The following NSD3 variants were observed in gnomAD, a reference collection of about 807,000 sequenced individuals.
NSD3 encodes histone-lysine N-methyltransferase NSD3.
In NSD3, 24 loss-of-function variants were observed where a neutral mutation model predicts 160.8. The observed-to-expected ratio is 0.15, with a 90% CI of 0.11 to 0.21. The LOEUF is 0.21. Among genes scored for constraint, NSD3 ranks in the 10% least tolerant of loss-of-function variants. The pLI is 1.00. For missense variants in NSD3, 1,157 were observed against 1,735.9 expected (o/e 0.67, Z 5.93); for synonymous variants, 520 against 600.0 (o/e 0.87, Z 1.95).
At chr8:38,366,973 C>T (rs1811120597) in intron 1 of NSD3, among the ~76,000 whole-genome samples, 1 of 151,982 alleles carries the variant, frequency 6.6e-6, no homozygotes, top group African/African-American at 2.4e-5. Context: ...TTTACCTTAA[C>T]AAAAACATCC....
chr8:38,314,555 T>C lies in NSD3; in HGVS notation c.2242+92A>G, dbSNP rs925463782. 4.0e-6 allele frequency: 6 copies of C among 1,508,726 alleles called. No individual in the cohort carries two copies. In the East Asian group the frequency reaches 1.4e-4, roughly 36 times the overall value. 93.5% of individuals were successfully genotyped at this position (1,508,726 alleles called of 1,614,324 possible). A position where few individuals can be genotyped will look rare whatever the true frequency, so the allele number is the denominator to read the frequency against. On this transcript the variant is annotated intron_variant, in intron 12 of 23. Coordinates refer to ENST00000317025, the MANE Select transcript of NSD3 (RefSeq NM_023034.2). ...AGAGGAGGAGGGCTAATAAAAGTGA[T>C]GGGAACAAGATGTCCTAGGAGAGGT...
rs545488571 is a variant in NSD3, at chr8:38,278,270, G to A, written c.3867+36C>T. The A allele has an allele frequency of 5.0e-6, 8 of 1,590,374 alleles. No individual in the cohort carries two copies. In the East Asian group the frequency reaches 9.0e-5, roughly 18 times the overall value. On this transcript the variant is annotated intron_variant, in intron 22 of 23. Coordinates refer to ENST00000317025, the MANE Select transcript of NSD3 (RefSeq NM_023034.2). ...CTTCTTAACAGCCCTACTCCTTATC[G>A]CCTGTTGACTGGGGGCGCTCCCCTG... is the stretch of plus-strand genomic sequence containing the variant.
chr8:38,374,871 G>C (rs959715058), intron 1 of NSD3, among the ~76,000 whole-genome samples: 3 of 152,096 alleles, frequency 2.0e-5, no homozygotes, highest in African/African-American at 7.2e-5. Context: ...GGGCGTGCTG[G>C]GGGGCGCCTG....
intron 15 of NSD3, 37 bp downstream of exon 15, chr8:38,299,407 C>T: frequency 6.3e-7 from 1 of 1,587,270 alleles, no homozygotes; most frequent in Non-Finnish European, 8.6e-7. Context: ...ATAGGAAATG[C>T]AAAAATAAAA....
Position 38,305,235 on chromosome 8 carries a change from T to C in NSD3, c.2440+13A>G. 6.2e-7 allele frequency: 1 copy of C among 1,611,582 alleles called. No individual in the cohort carries two copies. Among genetic ancestry groups the C allele is most frequent in the Non-Finnish European group, 8.5e-7 (1 of 1,178,798 alleles). Reference sequence around the variant, plus strand: ...AAAACAAAAATCTTTGTCTCCTTCTTCAGCTGTTTTACCTTTACTTGCTTT... The same window carrying C: ...AAAACAAAAATCTTTGTCTCCTTCTCCAGCTGTTTTACCTTTACTTGCTTT... On this transcript the variant is annotated intron_variant, in intron 13 of 23. Transcript: ENST00000317025.
chr8:38,374,685 T>C (rs185005192), intron 1 of NSD3, among the ~76,000 whole-genome samples: 156 of 152,290 alleles, frequency 1.0e-3, no homozygotes, highest in African/African-American at 3.6e-3. Context: ...CTCTGAAATC[T>C]TAATTTTCCC....
At position 38,316,636 on chromosome 8, in the gene NSD3, G is replaced by T; in HGVS notation, c.1856-594C>A. On this transcript the variant is annotated intron_variant, in intron 9 of 23. Transcript: ENST00000317025. The surrounding 1 kb of genome is among the most constrained non-coding windows in gnomAD (Gnocchi z 4.5). ...TTTATTGTGACCATTAACAAGCGCT[G>T]CAGCACATCTACATATGTCATGCCA... The T allele has an allele frequency of 9.5e-7, 1 of 1,053,930 alleles. No homozygotes were observed. The highest frequency in any genetic ancestry group is 1.1e-6 in the Non-Finnish European group (1 of 872,150). 65.3% of individuals were successfully genotyped at this position (1,053,930 alleles called of 1,614,324 possible).
chr8:38,302,490 C>T (rs1809300139), intron 14 of NSD3, among the ~76,000 whole-genome samples: 1 of 152,162 alleles, frequency 6.6e-6, no homozygotes, highest in Non-Finnish European at 1.5e-5. Flanking sequence ...TTTGCTTAAA[C>T]AGGCATTTAA....
chr8:38,331,626 C>G, intron 4 of NSD3, 41 bp from the exon 5 acceptor site: 1 of 1,601,508 alleles, frequency 6.2e-7, no homozygotes. Context: ...AGAACATAAG[C>G]ATTCACATCT....
intron 1 of NSD3, among the ~76,000 whole-genome samples, chr8:38,369,103 C>A (rs920546699): frequency 6.6e-6 from 1 of 152,044 alleles, no homozygotes; most frequent in African/African-American, 2.4e-5. Flanking sequence ...TAATAATTTA[C>A]TAAGTTTATC....
intron 16 of NSD3, among the ~76,000 whole-genome samples, chr8:38,293,393 T>C (rs531872818): frequency 6.6e-5 from 10 of 150,686 alleles, no homozygotes; most frequent in Admixed American, 4.0e-4. Flanking sequence ...CTACTAAAAA[T>C]ACAAAAATTA....
At chr8:38,357,241 C>T (rs1371213789) in intron 1 of NSD3, among the ~76,000 whole-genome samples, 2 of 150,914 alleles carry the variant, frequency 1.3e-5, no homozygotes, top group Non-Finnish European at 2.9e-5. Context: ...GACACAGCTA[C>T]TCTACAAATA....
At position 38,321,348 on chromosome 8, in the gene NSD3, T is replaced by C. The variant is rs1809792755; in HGVS notation, c.1709-176A>G. Among the ~76,000 whole-genome samples the C allele has an allele frequency of 6.6e-6, 1 of 152,190 alleles. No homozygotes were observed. Among genetic ancestry groups the C allele is most frequent in the African/African-American group, 2.4e-5 (1 of 41,454 alleles). ...CATATAAATTATTTAACAGATCAAA[T>C]TGTAAAGGCTGATAAGCTGAGACTG... On this transcript the variant is annotated intron_variant, in intron 7 of 23. Transcript: ENST00000317025. The surrounding 1 kb of genome is among the most constrained non-coding windows in gnomAD (Gnocchi z 4.7).
At position 38,316,801 on chromosome 8, in the gene NSD3, T is replaced by C; in HGVS notation, c.1856-759A>G. 1.9e-6 allele frequency: 2 copies of C among 1,060,974 alleles called. No homozygotes were observed. Among genetic ancestry groups the C allele is most frequent in the Non-Finnish European group, 2.3e-6 (2 of 876,450 alleles). 65.7% of individuals were successfully genotyped at this position (1,060,974 alleles called of 1,614,324 possible). On this transcript the variant is annotated intron_variant, in intron 9 of 23. Coordinates refer to ENST00000317025, the MANE Select transcript of NSD3 (RefSeq NM_023034.2). The surrounding 1 kb of genome is among the most constrained non-coding windows in gnomAD (Gnocchi z 4.5). ...ATAGGAAAAAAAAGGCAGAGAATAG[T>C]GTGGAATTGTTTTTTTTAAAACTGT...
chr8:38,303,355 C>G, intron 14 of NSD3: 1 of 985,444 alleles, frequency 1.0e-6, no homozygotes, highest in African/African-American at 1.7e-5. Context: ...ACCTACTCCT[C>G]CATGATACCA....
chr8:38,380,287 T>C (rs1202871941), intron 1 of NSD3, among the ~76,000 whole-genome samples: 3 of 152,198 alleles, frequency 2.0e-5, no homozygotes, highest in African/African-American at 7.2e-5. Context: ...AATACATACA[T>C]TTCTAATTTT....
intron 19 of NSD3, among the ~76,000 whole-genome samples, chr8:38,285,883 G>C (rs1036788044): frequency 6.6e-6 from 1 of 152,038 alleles, no homozygotes; most frequent in Non-Finnish European, 1.5e-5. Flanking sequence ...GTGATTCCAC[G>C]TCACCATTGT....
chr8:38,301,651 G>C (rs1483862789), intron 14 of NSD3, among the ~76,000 whole-genome samples: 2 of 152,172 alleles, frequency 1.3e-5, no homozygotes, highest in Non-Finnish European at 2.9e-5. Context: ...TAGTGTAAAG[G>C]AATATGGGCT....
At chr8:38,284,398 T>G (rs981282291) in intron 19 of NSD3, among the ~76,000 whole-genome samples, 2 of 152,214 alleles carry the variant, frequency 1.3e-5, no homozygotes, top group African/African-American at 4.8e-5. Flanking sequence ...GGGCAAATTT[T>G]CTGTTTTGAG....
Sources: gnomAD v4.1 joint callset for allele counts (sites outside exome capture counted in the v4.1 genomes callset) on GRCh38, gnomAD v4.1.1 for gene constraint, Gnocchi (gnomAD v3.1) non-coding constraint, MANE v1.5 for transcripts, NCBI Gene and HGNC (gene_info 2026-07-23, HGNC 2026-07-21) for gene names.